OLA1: variants seen among roughly 807,000 people sequenced by gnomAD.
OLA1 encodes Obg like ATPase 1.
OLA1 carries 14 observed loss-of-function variants against 48.4 expected under a neutral mutation model. The observed-to-expected ratio is 0.29, with a 90% CI of 0.19 to 0.45. OLA1 has a LOEUF of 0.45. Among genes scored for constraint, OLA1 ranks in the 20% least tolerant of loss-of-function variants. OLA1 has a pLI of 1.00. For missense variants in OLA1, 325 were observed against 467.1 expected, an observed-to-expected ratio of 0.70 and a Z score of 2.80; for synonymous variants, 127 against 150.4, an observed-to-expected ratio of 0.84 and a Z score of 1.14.
At chr2:174,156,953 G>A (rs1230576170) in intron 4 of OLA1, among the ~76,000 whole-genome samples, 2 of 151,338 alleles carry the variant, frequency 1.3e-5, no homozygotes, top group East Asian at 3.9e-4. Flanking sequence ...AGAGACTGAT[G>A]GTCACAAAGT....
chr2:174,208,490 C>A (rs1167279162), intron 4 of OLA1, among the ~76,000 whole-genome samples: 1 of 152,188 alleles, frequency 6.6e-6, no homozygotes, highest in Non-Finnish European at 1.5e-5. Context: ...CTTCCTCTCA[C>A]CTCAGAAGAA....
chr2:174,239,714 CAAAAA>C (rs35332033), intron 2 of OLA1, among the ~76,000 whole-genome samples: 1 of 60,636 alleles, frequency 1.6e-5, no homozygotes, highest in Non-Finnish European at 2.9e-5. Flanking sequence ...CCCATCTCTA[CAAAAA>C]AAAAAAAAAA....
intron 4 of OLA1, among the ~76,000 whole-genome samples, chr2:174,175,010 C>T (rs1322755372): frequency 6.6e-6 from 1 of 151,850 alleles, no homozygotes; most frequent in Non-Finnish European, 1.5e-5. Flanking sequence ...CAGGTTAATT[C>T]AGTGAGAGAA....
At chr2:174,244,642 G>C (rs1052183036) in intron 2 of OLA1, among the ~76,000 whole-genome samples, 2 of 138,226 alleles carry the variant, frequency 1.4e-5, no homozygotes, top group African/African-American at 5.4e-5. Flanking sequence ...TTTTTTTTTT[G>C]AGACGGAGTC....
chr2:174,136,057 T>C (rs1463958215), intron 5 of OLA1, among the ~76,000 whole-genome samples: 3 of 152,228 alleles, frequency 2.0e-5, no homozygotes, highest in East Asian at 1.9e-4. Context: ...CTAATGATCA[T>C]CTCTGCTGTC....
chr2:174,103,954 T>A (rs1440466171), intron 7 of OLA1, among the ~76,000 whole-genome samples: 2 of 151,512 alleles, frequency 1.3e-5, no homozygotes, highest in Non-Finnish European at 3.0e-5. Flanking sequence ...TAGGGGGAAG[T>A]GGTATGGGTA....
intron 3 of OLA1, among the ~76,000 whole-genome samples, chr2:174,226,372 C>A (rs1688617307): frequency 6.6e-6 from 1 of 152,062 alleles, no homozygotes; most frequent in African/African-American, 2.4e-5. Flanking sequence ...CAAAATACTT[C>A]TAGAATAAAA....
chr2:174,075,108 C>T lies in OLA1; in HGVS notation c.*318G>A, dbSNP rs549738541. 1 of 258,614 alleles carries T rather than the reference C, an allele frequency of 3.9e-6. No individual in the cohort carries two copies. Among genetic ancestry groups the T allele is most frequent in the East Asian group, 1.0e-4 (1 of 9,840 alleles). The allele number at this position is 258,614 out of a possible 1,614,324, so 16.0% of individuals were successfully genotyped here. ...GAGCAAGCCACATTGTCCTCACTGT[C>T]AAATGTGTCAGGCTTGGCATACATG... is the stretch of plus-strand genomic sequence containing the variant. On this transcript the variant is annotated 3_prime_UTR_variant, in exon 11 of 11. Transcript: ENST00000284719.
intron 7 of OLA1, among the ~76,000 whole-genome samples, chr2:174,116,808 C>T (rs2105363464): frequency 6.6e-6 from 1 of 152,310 alleles, no homozygotes; most frequent in South Asian, 2.1e-4. Context: ...TGCACTGCCT[C>T]ACCCCCAACA....
intron 4 of OLA1, among the ~76,000 whole-genome samples, chr2:174,197,325 T>C (rs1301102415): frequency 1.3e-5 from 2 of 148,896 alleles, no homozygotes; most frequent in African/African-American, 5.0e-5. Context: ...TTGAAACAGA[T>C]GGCAGTGTCC....
chr2:174,240,492 GA>G (rs938313648), intron 2 of OLA1: 11 of 150,850 alleles, frequency 7.3e-5, no homozygotes, highest in African/African-American at 2.7e-4. Flanking sequence ...AATCTTAAGT[GA>G]AAAGTCAAGC....
intron 4 of OLA1, among the ~76,000 whole-genome samples, chr2:174,221,142 G>A (rs997586038): frequency 1.3e-5 from 2 of 152,070 alleles, no homozygotes; most frequent in African/African-American, 4.8e-5. Flanking sequence ...TTCACATTCT[G>A]AGATCAATCA....
chr2:174,110,611 A>T (rs2105358788), intron 7 of OLA1, among the ~76,000 whole-genome samples: 1 of 150,728 alleles, frequency 6.6e-6, no homozygotes, highest in South Asian at 2.1e-4. Context: ...CAAGAGGCTA[A>T]TTTCTTTTTA....
intron 2 of OLA1, among the ~76,000 whole-genome samples, chr2:174,234,932 G>C (rs1384781591): frequency 2.0e-5 from 3 of 152,202 alleles, no homozygotes; most frequent in Admixed American, 6.5e-5. Context: ...GCAGAGGCGG[G>C]CAGATCACTT....
intron 7 of OLA1, among the ~76,000 whole-genome samples, chr2:174,109,246 T>C (rs1180201841): frequency 6.6e-6 from 1 of 152,228 alleles, no homozygotes; most frequent in Non-Finnish European, 1.5e-5. Flanking sequence ...TTTTTCTTTT[T>C]TTCTGTTTTC....
chr2:174,117,335 T>C (rs1157799394), intron 7 of OLA1, among the ~76,000 whole-genome samples: 5 of 152,148 alleles, frequency 3.3e-5, no homozygotes, highest in African/African-American at 1.2e-4. Flanking sequence ...AAAGGCTAAG[T>C]AATTTAAATG....
intron 3 of OLA1, among the ~76,000 whole-genome samples, chr2:174,226,928 A>G (rs1023848552): frequency 4.6e-5 from 7 of 152,084 alleles, no homozygotes; most frequent in African/African-American, 1.2e-4. Flanking sequence ...CATCTCTCCA[A>G]AAAATTTAAA....
chr2:174,122,781 T>C (rs1420443154), intron 7 of OLA1, among the ~76,000 whole-genome samples: 3 of 151,818 alleles, frequency 2.0e-5, no homozygotes, highest in Admixed American at 6.6e-5. Flanking sequence ...ATTTTAAAAT[T>C]CATGCCCAGC....
chr2:174,154,094 C>T (rs749876164), intron 4 of OLA1, among the ~76,000 whole-genome samples: 14 of 152,140 alleles, frequency 9.2e-5, no homozygotes, highest in Non-Finnish European at 1.9e-4. Flanking sequence ...TGATCTTGAA[C>T]TGCTGGGTGG....
Sources: gnomAD v4.1 joint callset for allele counts (sites outside exome capture counted in the v4.1 genomes callset) on GRCh38, gnomAD v4.1.1 for gene constraint, MANE v1.5 for transcripts, NCBI Gene and HGNC (gene_info 2026-07-23, HGNC 2026-07-21) for gene names.